Variants in PRICKLE2 observed in about 807,000 individuals in gnomAD.
The protein encoded by PRICKLE2 is prickle planar cell polarity protein 2, also known as prickle-like protein 2.
Under a neutral mutation model 81.4 loss-of-function variants are expected in PRICKLE2, and 21 were observed. The observed-to-expected ratio is 0.26, with a 90% CI of 0.18 to 0.37. The LOEUF is 0.37. PRICKLE2 is among the 10% of genes least tolerant of loss of function. The pLI, the probability that PRICKLE2 is intolerant of heterozygous loss-of-function variation, is 1.00. For missense variants in PRICKLE2, 940 were observed against 1,109.0 expected (o/e 0.85, Z 2.16); for synonymous variants, 456 against 421.5 (o/e 1.08, Z -1.00).
chr3:64,100,026 G>C (rs2076631278), intron 7 of PRICKLE2, 101 bp from the exon 8 acceptor site: 4 of 1,341,196 alleles, frequency 3.0e-6, no homozygotes, highest in African/African-American at 1.4e-5. Flanking sequence ...ATATACCGTT[G>C]TGAAGTTGTG....
At chr3:64,238,532 A>C (rs1169438560) in intron 2 of PRICKLE2, among the ~76,000 whole-genome samples, 1 of 152,058 alleles carries the variant, frequency 6.6e-6, no homozygotes, top group East Asian at 1.9e-4. Flanking sequence ...AGAAAAAAGA[A>C]AACTTGGTAG....
intron 7 of PRICKLE2, among the ~76,000 whole-genome samples, chr3:64,136,184 T>C (rs1207354268): frequency 6.6e-6 from 1 of 152,068 alleles, no homozygotes; most frequent in African/African-American, 2.4e-5. Context: ...AATCCACTTT[T>C]TCTTTTGTCT....
intron 2 of PRICKLE2, among the ~76,000 whole-genome samples, chr3:64,263,548 G>C (rs533437608): frequency 3.5e-4 from 54 of 152,250 alleles, no homozygotes; most frequent in Non-Finnish European, 5.9e-4. Flanking sequence ...CACTCAGAAT[G>C]GGGGGATATA....
At position 64,224,789 on chromosome 3, in the gene PRICKLE2, G is replaced by A. The variant is rs2079007933; in HGVS notation, c.-41+121C>T. ...GCAGGGCCACCAAAAATGCTACCTGGCCAAGAAAACGAAGACCCAATATCC... is the reference window on the plus strand; with the variant it reads ...GCAGGGCCACCAAAAATGCTACCTGACCAAGAAAACGAAGACCCAATATCC... On this transcript the variant is annotated intron_variant, in intron 1 of 7. Transcript: ENST00000638394. 4 of 469,902 alleles carry A rather than the reference G, an allele frequency of 8.5e-6. No homozygotes were observed. The Admixed American group carries it at 2.6e-4, about 30-fold the overall frequency. 29.1% of individuals were successfully genotyped at this position (469,902 alleles called of 1,614,324 possible).
In PRICKLE2 at chr3:64,189,205, G is replaced by A. The variant is rs115893916; in HGVS notation, c.144+9579C>T. ...CAGTAAAGCCAGGGTAAGAGAGTGAGAAGAGATAAGGATAAACAGAGATTG... is the reference window on the plus strand; with the variant it reads ...CAGTAAAGCCAGGGTAAGAGAGTGAAAAGAGATAAGGATAAACAGAGATTG... On this transcript the variant is annotated intron_variant, in intron 2 of 7. Coordinates refer to ENST00000638394, the MANE Select transcript of PRICKLE2 (RefSeq NM_198859.4). Among the ~76,000 whole-genome samples the A allele has an allele frequency of 9.6e-3, 1,456 of 152,318 alleles. 24 individuals carry two copies. Among genetic ancestry groups the A allele is most frequent in the African/African-American group, 0.033 (1,369 of 41,564 alleles).
chr3:64,127,345 C>G (rs961583891), intron 7 of PRICKLE2, among the ~76,000 whole-genome samples: 1 of 152,140 alleles, frequency 6.6e-6, no homozygotes, highest in African/African-American at 2.4e-5. Context: ...CCTTTGTCCA[C>G]GGTCACTCTC....
intron 2 of PRICKLE2, among the ~76,000 whole-genome samples, chr3:64,193,047 T>C (rs1316993609): frequency 1.3e-5 from 2 of 151,992 alleles, no homozygotes; most frequent in Non-Finnish European, 2.9e-5. Context: ...TCCTGGAGAG[T>C]GGTGTAGCAT....
intron 2 of PRICKLE2, among the ~76,000 whole-genome samples, chr3:64,240,238 G>C (rs910987149): frequency 6.6e-6 from 1 of 152,154 alleles, no homozygotes; most frequent in African/African-American, 2.4e-5. Context: ...GGGAGGCCAT[G>C]AGGTCACCAA....
intron 5 of PRICKLE2, among the ~76,000 whole-genome samples, chr3:64,155,870 G>T (rs2077628159): frequency 6.6e-6 from 1 of 152,104 alleles, no homozygotes; most frequent in Non-Finnish European, 1.5e-5. Flanking sequence ...CTAGGGAAAG[G>T]GGGAAATGAG....
At chr3:64,195,906 G>A (rs2078444721) in intron 2 of PRICKLE2, among the ~76,000 whole-genome samples, 1 of 152,182 alleles carries the variant, frequency 6.6e-6, no homozygotes, top group Non-Finnish European at 1.5e-5. Context: ...AAAGATTTGA[G>A]TAAGTGTAGG....
At chr3:64,152,896 C>G (rs1268544714) in intron 6 of PRICKLE2, among the ~76,000 whole-genome samples, 1 of 152,086 alleles carries the variant, frequency 6.6e-6, no homozygotes, top group African/African-American at 2.4e-5. Context: ...TGAGTCATCT[C>G]GACCATTAGG....
At chr3:64,177,811 C>T (rs1215826735) in intron 2 of PRICKLE2, among the ~76,000 whole-genome samples, 2 of 152,230 alleles carry the variant, frequency 1.3e-5, no homozygotes, top group African/African-American at 2.4e-5. Context: ...TATCTGTTGA[C>T]GGAATTTGGG....
intron 2 of PRICKLE2, among the ~76,000 whole-genome samples, chr3:64,167,784 G>C (rs1290233559): frequency 6.6e-6 from 1 of 152,180 alleles, no homozygotes; most frequent in Non-Finnish European, 1.5e-5. Flanking sequence ...TCAAACTATA[G>C]CTTGCATCAG....
chr3:64,195,031 C>A (rs1289786711), intron 2 of PRICKLE2, among the ~76,000 whole-genome samples: 1 of 152,020 alleles, frequency 6.6e-6, no homozygotes, highest in Non-Finnish European at 1.5e-5. Context: ...GGCAGCAAAA[C>A]CCTGTCTCTT....
chr3:64,150,059 C>T (rs377198569), intron 6 of PRICKLE2, among the ~76,000 whole-genome samples: 5 of 140,446 alleles, frequency 3.6e-5, no homozygotes, highest in East Asian at 2.3e-4. Flanking sequence ...CCAGCTGGGG[C>T]GGGGCTAGAA....
intron 6 of PRICKLE2, among the ~76,000 whole-genome samples, chr3:64,152,636 C>G (rs971026824): frequency 6.6e-6 from 1 of 151,790 alleles, no homozygotes; most frequent in Non-Finnish European, 1.5e-5. Context: ...ACTTTGGTTC[C>G]TCCTCTGCAA....
chr3:64,162,342 T>C (rs533104771), intron 3 of PRICKLE2, among the ~76,000 whole-genome samples: 1 of 152,198 alleles, frequency 6.6e-6, no homozygotes. Flanking sequence ...CCTTCCAGCA[T>C]AATGATCTTT....
chr3:64,106,916 G>A (rs577302156), intron 7 of PRICKLE2, among the ~76,000 whole-genome samples: 1 of 152,342 alleles, frequency 6.6e-6, no homozygotes, highest in Admixed American at 6.5e-5. Context: ...AATCCCACCT[G>A]ATGGCAAGGA....
intron 7 of PRICKLE2, among the ~76,000 whole-genome samples, chr3:64,140,430 C>T (rs1398828622): frequency 2.0e-5 from 3 of 152,196 alleles, no homozygotes; most frequent in African/African-American, 7.2e-5. Flanking sequence ...TCCTATGGGA[C>T]CCAGCTCTCT....
Sources: allele counts gnomAD v4.1 joint callset (sites outside exome capture counted in the v4.1 genomes callset), GRCh38; gene constraint gnomAD v4.1.1; transcripts MANE v1.5; gene names NCBI Gene and HGNC (gene_info 2026-07-23, HGNC 2026-07-21).